The following C12orf42 variants were observed in gnomAD, a reference collection of about 807,000 sequenced individuals.
C12orf42 encodes the protein uncharacterized protein C12orf42.
A neutral mutation model predicts 21.6 loss-of-function variants in C12orf42; 25 were observed. The ratio of observed to expected loss-of-function variants is 1.16; its 90% CI spans 0.84 to 1.62. C12orf42 has a LOEUF of 1.62. Among genes scored for constraint, C12orf42 ranks in the 40% most tolerant of loss-of-function variants. C12orf42 has a pLI of 0.00. For synonymous variants in C12orf42, 174 were observed against 175.0 expected (o/e 0.99, Z 0.05); for missense variants, 483 against 459.3 (o/e 1.05, Z -0.47).
At chr12:103,371,126 A>T (rs1373133508) in intron 3 of C12orf42, among the ~76,000 whole-genome samples, 1 of 152,150 alleles carries the variant, frequency 6.6e-6, no homozygotes, top group Non-Finnish European at 1.5e-5. Context: ...TACAGGATCA[A>T]ATCATCCCTG....
chr12:103,264,221 C>T (rs1220723015), downstream of C12orf42, among the ~76,000 whole-genome samples: 2 of 152,088 alleles, frequency 1.3e-5, no homozygotes, highest in Non-Finnish European at 2.9e-5. Flanking sequence ...GTGGAGCCTC[C>T]TCCACTTAGA....
chr12:103,175,267 T>A, the C12orf42 span, among the ~76,000 whole-genome samples: 19 of 152,114 alleles, frequency 1.2e-4, no homozygotes, highest in Non-Finnish European at 1.9e-4. Flanking sequence ...CTCTAAAAAG[T>A]CCCTTTTGTT....
the C12orf42 span, among the ~76,000 whole-genome samples, chr12:103,139,962 C>T: frequency 6.6e-6 from 1 of 152,192 alleles, no homozygotes; most frequent in Non-Finnish European, 1.5e-5. Flanking sequence ...ACCCCATCTC[C>T]TCATCTCATT....
the C12orf42 span, among the ~76,000 whole-genome samples, chr12:103,131,359 A>T: frequency 6.6e-6 from 1 of 152,194 alleles, no homozygotes; most frequent in East Asian, 1.9e-4. Flanking sequence ...GTTAAAAATT[A>T]TGAATTTACT....
chr12:103,167,986 A>T, the C12orf42 span: 1 of 446,724 alleles, frequency 2.2e-6, no homozygotes, highest in Non-Finnish European at 4.5e-6. Context: ...ATTCTGAAAA[A>T]TTTCCATGTT....
At chr12:103,183,984 A>G in the C12orf42 span, among the ~76,000 whole-genome samples, 1 of 152,162 alleles carries the variant, frequency 6.6e-6, no homozygotes, top group Non-Finnish European at 1.5e-5. Context: ...GTCCCATGAT[A>G]TGTTCTGTCT....
chr12:103,116,706 T>G, the C12orf42 span, among the ~76,000 whole-genome samples: 1 of 152,184 alleles, frequency 6.6e-6, no homozygotes, highest in African/African-American at 2.4e-5. Context: ...AATCTCAGTC[T>G]CTCGTCCTCA....
At chr12:103,049,416 A>C in the C12orf42 span, among the ~76,000 whole-genome samples, 1 of 152,146 alleles carries the variant, frequency 6.6e-6, no homozygotes, top group African/African-American at 2.4e-5. Context: ...CATCTCCAAC[A>C]CAGCCCTCCT....
the C12orf42 span, among the ~76,000 whole-genome samples, chr12:103,524,962 T>TGGG: frequency 1.3e-4 from 3 of 23,374 alleles, no homozygotes; most frequent in East Asian, 2.1e-3. Flanking sequence ...TTAGTTTTTT[T>TGGG]GGGGGGGGGG....
intron 4 of C12orf42, among the ~76,000 whole-genome samples, chr12:103,287,988 C>G (rs910578799): frequency 1.3e-5 from 2 of 152,190 alleles, no homozygotes; most frequent in African/African-American, 4.8e-5. Flanking sequence ...GACCATCAAG[C>G]CTTCTGCTCC....
chr12:103,480,284 T>C lies in C12orf42; in HGVS notation c.-21-1837A>G, dbSNP rs1241932224. On this transcript the variant is annotated intron_variant, in intron 1 of 5. Coordinates refer to ENST00000548883, the MANE Select transcript of C12orf42 (RefSeq NM_198521.5). ...CAGCATAAACAATTCTATTCCATTA[T>C]GTCCCTGTTTTAATTCTTAATGTTA... 7.2e-5 allele frequency among the ~76,000 whole-genome samples: 11 copies of C among 152,014 alleles called. No individual in the cohort carries two copies. In the East Asian group the frequency reaches 2.1e-3, roughly 29 times the overall value.
rs775287464 is a variant in C12orf42 at position 103,302,315 on chromosome 12, C to A, written c.876G>T (p.Pro292=). The A allele has an allele frequency of 2.5e-6, 4 of 1,613,770 alleles. No individual in the cohort carries two copies. The African/African-American group carries it at 5.3e-5, about 22-fold the overall frequency. ...PEMLPKHPHT[P]RDRRPQADTS... ...TGTCCGCCTGAGGCCTCCTGTCCCG[C>A]GGGGTATGAGGATGCTTGGGGAGCA... Residue 292 remains proline (P), a synonymous_variant, in exon 6 of 6, where the codon CCG becomes CCT. Transcript: ENST00000548883.
rs1272644380 is a variant in C12orf42, at chr12:103,294,421, G to GAAAGAAA, written n.338-17212_338-17211insTTTCTTT. ...AGAAAGAAAGAAAGAAAGAGAGAAA[G>GAAAGAAA]GAGAGAGAGAAAGAAAGAAAGAAAG... On this transcript the variant is annotated intron_variant and non_coding_transcript_variant, in intron 4 of 6. Transcript: ENST00000546526. Among the ~76,000 whole-genome samples the GAAAGAAA allele has an allele frequency of 3.4e-3, 243 of 71,736 alleles. 2 individuals are homozygous for GAAAGAAA. Among genetic ancestry groups the GAAAGAAA allele is most frequent in the African/African-American group, 0.013 (204 of 15,868 alleles). The allele number at this position is 71,736 out of a possible 152,430, so 47.1% of individuals were successfully genotyped here.
At chr12:103,294,639 G>GAAAAGAAAGAAA (rs1566026190) in intron 4 of C12orf42, among the ~76,000 whole-genome samples, 1 of 119,110 alleles carries the variant, frequency 8.4e-6, no homozygotes, top group Non-Finnish European at 1.8e-5. Flanking sequence ...AAAGAAAGAA[G>GAAAAGAAAGAAA]GAAAAGAAAG....
chr12:103,416,025 GT>G (rs1340772658), intron 2 of C12orf42, among the ~76,000 whole-genome samples: 3 of 92,138 alleles, frequency 3.3e-5, no homozygotes, highest in Non-Finnish European at 6.8e-5. Flanking sequence ...CATTGTCTTT[GT>G]TTAGTGGGTT....
At chr12:103,204,857 T>C in the C12orf42 span, among the ~76,000 whole-genome samples, 8 of 125,884 alleles carry the variant, frequency 6.4e-5, no homozygotes, top group African/African-American at 2.1e-4. Context: ...AAAATATTTG[T>C]AATATTGACC....
At chr12:103,224,324 T>G in the C12orf42 span, among the ~76,000 whole-genome samples, 1 of 152,304 alleles carries the variant, frequency 6.6e-6, no homozygotes, top group Admixed American at 6.5e-5. Context: ...AGGATAGATT[T>G]CCACGATGGA....
intron 2 of C12orf42, among the ~76,000 whole-genome samples, chr12:103,425,439 C>A (rs924274851): frequency 7.9e-5 from 12 of 152,124 alleles, no homozygotes; most frequent in Admixed American, 2.0e-4. Flanking sequence ...CAGGAGAGCT[C>A]CAGCTGGCAT....
chr12:103,481,125 T>C (rs1316617355), intron 1 of C12orf42, among the ~76,000 whole-genome samples: 1 of 151,894 alleles, frequency 6.6e-6, no homozygotes, highest in African/African-American at 2.4e-5. Flanking sequence ...CTTTCTTCTT[T>C]ATCTCTACCA....
Sources: gnomAD v4.1 joint callset for allele counts (sites outside exome capture counted in the v4.1 genomes callset) on GRCh38, gnomAD v4.1.1 for gene constraint, MANE v1.5 for transcripts, NCBI Gene and HGNC (gene_info 2026-07-23, HGNC 2026-07-21) for gene names.